The following CAMKMT variants were observed in gnomAD, a reference collection of about 807,000 sequenced individuals.
CAMKMT encodes the protein calmodulin-lysine N-methyltransferase.
Under a neutral mutation model 48.0 loss-of-function variants are expected in CAMKMT, and 53 were observed. The ratio of observed to expected loss-of-function variants is 1.10; its 90% CI spans 0.89 to 1.39. CAMKMT has a LOEUF of 1.39. Ranked by LOEUF, CAMKMT falls within the 40% of genes most tolerant of loss-of-function variation. CAMKMT has a pLI of 0.00. For synonymous variants in CAMKMT, 165 were observed against 152.3 expected (o/e 1.08, Z -0.61); for missense variants, 428 against 402.7 (o/e 1.06, Z -0.54).
chr2:44,547,996 AG>A (rs1334266947), intron 3 of CAMKMT, among the ~76,000 whole-genome samples: 2 of 152,102 alleles, frequency 1.3e-5, no homozygotes, highest in African/African-American at 2.4e-5. Context: ...CCTGGTAGAG[AG>A]TGGGGAAAAA....
At chr2:44,497,965 A>G (rs1044543253) in intron 3 of CAMKMT, among the ~76,000 whole-genome samples, 12 of 152,104 alleles carry the variant, frequency 7.9e-5, no homozygotes, top group Non-Finnish European at 2.9e-5. Flanking sequence ...GTGGTAGAGT[A>G]AGACTGGAAA....
At position 44,456,698 on chromosome 2, in the gene CAMKMT, G is replaced by C; in HGVS notation, c.376+66393G>C. On this transcript the variant is annotated intron_variant, in intron 3 of 10. Coordinates refer to ENST00000378494, the MANE Select transcript of CAMKMT (RefSeq NM_024766.5). ...GTTTTGGCCAAGGCATCCTACCTCT[G>C]CTTGTCTTCATGATCTTCATTACAA... is the stretch of plus-strand genomic sequence containing the variant. 4.1e-6 allele frequency: 5 copies of C among 1,222,026 alleles called. No individual in the cohort carries two copies. In the South Asian group the frequency reaches 4.7e-5, roughly 11 times the overall value. 75.7% of individuals were successfully genotyped at this position (1,222,026 alleles called of 1,614,324 possible).
chr2:44,395,668 G>C (rs1681766495), intron 3 of CAMKMT, among the ~76,000 whole-genome samples: 1 of 152,098 alleles, frequency 6.6e-6, no homozygotes, highest in African/African-American at 2.4e-5. Flanking sequence ...GAAACAATAA[G>C]TACTTTATAG....
At chr2:44,403,586 A>G (rs182766405) in intron 3 of CAMKMT, among the ~76,000 whole-genome samples, 3 of 152,230 alleles carry the variant, frequency 2.0e-5, no homozygotes, top group African/African-American at 7.2e-5. Context: ...TTGTGCCTTT[A>G]TGAACCTTCA....
chr2:44,722,052 G>C (rs542542204), intron 7 of CAMKMT, among the ~76,000 whole-genome samples: 8 of 152,080 alleles, frequency 5.3e-5, no homozygotes, highest in Non-Finnish European at 1.0e-4. Flanking sequence ...TGTTTTTAAG[G>C]TTATTCATGT....
chr2:44,474,568 C>G (rs961505605), intron 3 of CAMKMT, among the ~76,000 whole-genome samples: 1 of 151,834 alleles, frequency 6.6e-6, no homozygotes, highest in Admixed American at 6.6e-5. Flanking sequence ...GAAATATAAC[C>G]AAGTCAACAT....
intron 3 of CAMKMT, among the ~76,000 whole-genome samples, chr2:44,406,984 T>C (rs953356733): frequency 2.6e-5 from 4 of 152,228 alleles, no homozygotes; most frequent in African/African-American, 7.2e-5. Context: ...TGCTTTTTAA[T>C]TGGATTCCAG....
chr2:44,611,740 A>G (rs1671609325), intron 3 of CAMKMT, among the ~76,000 whole-genome samples: 1 of 151,962 alleles, frequency 6.6e-6, no homozygotes, highest in African/African-American at 2.4e-5. Flanking sequence ...TACAGGAAGC[A>G]TGGTGCCGGC....
In CAMKMT at chr2:44,545,425, A is replaced by G. The variant is rs1667340264; in HGVS notation, c.376+155120A>G. Among the ~76,000 whole-genome samples, 4 of 152,356 alleles carry G rather than the reference A, an allele frequency of 2.6e-5. No homozygotes were observed. The South Asian group carries it at 8.3e-4, about 32-fold the overall frequency. ...GCCTGTCTCTTTACTAGGCATTGAG[A>G]ACATCAAAATGAGTCATAATACATG... On this transcript the variant is annotated intron_variant, in intron 3 of 10. Transcript: ENST00000378494.
chr2:44,754,159 A>C, intron 9 of CAMKMT, 41 bp downstream of exon 9: 2 of 1,429,136 alleles, frequency 1.4e-6, no homozygotes, highest in Non-Finnish European at 2.0e-6. Flanking sequence ...TGGCTACAGA[A>C]TAATTAGTCT....
intron 3 of CAMKMT, among the ~76,000 whole-genome samples, chr2:44,547,399 C>T (rs969017579): frequency 5.3e-5 from 8 of 152,082 alleles, no homozygotes; most frequent in Admixed American, 1.3e-4. Context: ...TGGTGCATGC[C>T]TGTGGGGCTA....
intron 3 of CAMKMT, among the ~76,000 whole-genome samples, chr2:44,493,086 G>A (rs1286690487): frequency 6.6e-6 from 1 of 151,668 alleles, no homozygotes; most frequent in Non-Finnish European, 1.5e-5. Context: ...TAGCAGAGAC[G>A]GGGTTTCACC....
intron 3 of CAMKMT, among the ~76,000 whole-genome samples, chr2:44,394,105 C>T (rs1482677717): frequency 1.3e-5 from 2 of 151,998 alleles, no homozygotes; most frequent in African/African-American, 2.4e-5. Flanking sequence ...GTTAGTACTT[C>T]GTATAATTTA....
intron 3 of CAMKMT, among the ~76,000 whole-genome samples, chr2:44,509,946 T>C (rs901860213): frequency 2.6e-5 from 4 of 152,222 alleles, no homozygotes; most frequent in Non-Finnish European, 4.4e-5. Context: ...TAAACCTTTT[T>C]TCTTTGTAAA....
chr2:44,768,359 ATATTTT>A, intron 10 of CAMKMT, among the ~76,000 whole-genome samples: 2 of 101,532 alleles, frequency 2.0e-5, no homozygotes, highest in African/African-American at 4.0e-5. Flanking sequence ...ATATATATAT[ATATTTT>A]TTTTTTTTTT....
Position 44,691,711 on chromosome 2 carries a change from C to G in CAMKMT, c.377-12572C>G, listed in dbSNP as rs1413903959. Among the ~76,000 whole-genome samples the G allele has an allele frequency of 2.0e-5, 3 of 152,162 alleles. No individual in the cohort carries two copies. In the East Asian group the frequency reaches 5.8e-4, roughly 29 times the overall value. On this transcript the variant is annotated intron_variant, in intron 3 of 10. Transcript: ENST00000378494. Reference sequence around the variant, plus strand: ...AGGTTAAGAATAACAGGTCTATAATCAGATTGCCTGGGCTCAAATTCCAGC... The same window carrying G: ...AGGTTAAGAATAACAGGTCTATAATGAGATTGCCTGGGCTCAAATTCCAGC...
At chr2:44,532,819 T>A (rs879781556) in intron 3 of CAMKMT, among the ~76,000 whole-genome samples, 112 of 150,062 alleles carry the variant, frequency 7.5e-4, no homozygotes, top group Middle Eastern at 3.4e-3. Flanking sequence ...CCATTAAAGT[T>A]TTTTTTTTTT....
At chr2:44,674,756 C>T (rs958996382) in intron 3 of CAMKMT, among the ~76,000 whole-genome samples, 1 of 152,204 alleles carries the variant, frequency 6.6e-6, no homozygotes, top group African/African-American at 2.4e-5. Context: ...TGCTAACTTG[C>T]TTGCAAGCAA....
At chr2:44,505,070 C>T (rs1183481213) in intron 3 of CAMKMT, among the ~76,000 whole-genome samples, 1 of 152,042 alleles carries the variant, frequency 6.6e-6, no homozygotes, top group Non-Finnish European at 1.5e-5. Context: ...ACCAAGAACT[C>T]ACTTATTACT....
Sources: gnomAD v4.1 joint callset for allele counts (sites outside exome capture counted in the v4.1 genomes callset) on GRCh38, gnomAD v4.1.1 for gene constraint, MANE v1.5 for transcripts, NCBI Gene and HGNC (gene_info 2026-07-23, HGNC 2026-07-21) for gene names.